DUSP1: variants seen among roughly 807,000 people sequenced by gnomAD.
DUSP1 encodes dual specificity protein phosphatase 1.
A neutral mutation model predicts 27.4 loss-of-function variants in DUSP1; 10 were observed. That is an observed-to-expected ratio of 0.37 (90% CI 0.23 to 0.62). The LOEUF is 0.62. Ranked by LOEUF, DUSP1 falls within the 20% of genes least tolerant of loss-of-function variation. The probability of loss-of-function intolerance (pLI) is 0.68; values close to 1 mark genes in which losing one functional copy is unlikely to be tolerated. For synonymous variants in DUSP1, 262 were observed against 223.6 expected (o/e 1.17, Z -1.53); for missense variants, 425 against 508.1 (o/e 0.84, Z 1.57).
In DUSP1 at chr5:172,770,650, G is replaced by A. The variant is rs781488618; in HGVS notation, c.303C>T (p.Thr101=). 23 of 1,306,712 alleles carry A rather than the reference G, an allele frequency of 1.8e-5. No homozygotes were observed. Among genetic ancestry groups the A allele is most frequent in the Non-Finnish European group, 1.5e-5 (16 of 1,033,664 alleles). The allele number at this position is 1,306,712 out of a possible 1,614,324, so 80.9% of individuals were successfully genotyped here. ...AGAGCGCGCCGGCCGCCAGGGCCAG[G>A]GTGCCGTCGCGCTTGGCGCCGTCCA... The part of the protein sequence containing the change: ...AALDGAKRDG[T]LALAAGALCR... Residue 101 remains threonine (T), a synonymous_variant, in exon 1 of 4, where the codon ACC becomes ACT. Transcript: ENST00000239223.
Position 172,770,156 on chromosome 5 carries a change from C to A in DUSP1, c.513+5G>T. The A allele has an allele frequency of 6.4e-6, 10 of 1,573,174 alleles. No individual in the cohort carries two copies. The highest frequency in any genetic ancestry group is 7.7e-6 in the Non-Finnish European group (9 of 1,164,206). ...TTCTTCCCTGTGGCAGGGACACCTA[C>A]TAACCTGATCGTAGAGTGGGGTACT... On this transcript the variant is annotated splice_donor_5th_base_variant and intron_variant, in intron 2 of 3. Transcript: ENST00000239223.
Position 172,768,574 on chromosome 5 carries a change from G to C in DUSP1, c.*188C>G, listed in dbSNP as rs1759826998. On this transcript the variant is annotated 3_prime_UTR_variant, in exon 4 of 4. Transcript: ENST00000239223. Reference sequence around the variant, plus strand: ...TACCCACTATATATTGGTCCCGAATGTGCTGAGTTCAGCAAATGTCTTGAC... The same window carrying C: ...TACCCACTATATATTGGTCCCGAATCTGCTGAGTTCAGCAAATGTCTTGAC... 1.4e-6 allele frequency: 1 copy of C among 695,190 alleles called. No individual in the cohort carries two copies. The highest frequency in any genetic ancestry group is 2.1e-6 in the Non-Finnish European group (1 of 482,818). 43.1% of individuals were successfully genotyped at this position (695,190 alleles called of 1,614,324 possible). A position where few individuals can be genotyped will look rare whatever the true frequency, so the allele number is the denominator to read the frequency against.
Position 172,768,967 on chromosome 5 carries a change from C to G in DUSP1, c.899G>C (p.Ser300Thr). Residue 300 changes from serine (S) to threonine (T), a missense_variant, in exon 4 of 4, where the codon AGC (serine) becomes ACC (threonine). Transcript: ENST00000239223. ...QRRSIISPNF[S>T]FMGQLLQFES... Reference sequence around the variant, plus strand: ...AAACTGCAGCAGCTGGCCCATGAAGCTGAAGTTGGGAGAGATGATGCTTCG... The same window carrying G: ...AAACTGCAGCAGCTGGCCCATGAAGGTGAAGTTGGGAGAGATGATGCTTCG... The G allele has an allele frequency of 1.2e-6, 2 of 1,614,248 alleles. No homozygotes were observed. Among genetic ancestry groups the G allele is most frequent in the Non-Finnish European group, 1.7e-6 (2 of 1,180,044 alleles).
chr5:172,768,861 G>A lies in DUSP1; in HGVS notation c.1005C>T (p.Thr335=). 1.2e-6 allele frequency: 2 copies of A among 1,608,076 alleles called. No individual in the cohort carries two copies. Among genetic ancestry groups the A allele is most frequent in the Non-Finnish European group, 1.7e-6 (2 of 1,176,380 alleles). The change falls in exon 4 of 4, where the codon ACC becomes ACT. Residue 335 remains threonine (T), a synonymous_variant. Transcript: ENST00000239223. ...AMAVLDRGTS[T]TTVFNFPVSI... is the part of the protein sequence containing the mutation. The stretch of plus-strand genomic sequence containing the variant: ...AGACGGGGAAGTTGAACACGGTGGT[G>A]GTGGAGGTGCCTCGGTCGAGCACAG...
Position 172,768,916 on chromosome 5 carries a change from C to T in DUSP1, c.950G>A (p.Cys317Tyr). Residue 317 changes from cysteine to tyrosine, a missense_variant, in exon 4 of 4, where the codon TGT becomes TAT. This residue lies in a region of DUSP1 where 84 missense variants were observed against 80.5 expected (regional missense o/e 1.04). Transcript: ENST00000239223. Reference protein sequence around the residue: ...QFESQVLAPHCSAEAGSPAMA... With the variant: ...QFESQVLAPHYSAEAGSPAMA... The stretch of plus-strand genomic sequence containing the variant: ...GGCGGGGCTCCCAGCCTCTGCCGAA[C>T]AGTGCGGAGCCAGCACCTGGGACTC... 6.2e-7 allele frequency: 1 copy of T among 1,613,804 alleles called. No homozygotes were observed. The highest frequency in any genetic ancestry group is 8.5e-7 in the Non-Finnish European group (1 of 1,179,754).
At position 172,768,934 on chromosome 5, in the gene DUSP1, T is replaced by C. The variant is rs1759835946; in HGVS notation, c.932A>G (p.Gln311Arg). 6.2e-7 allele frequency: 1 copy of C among 1,614,172 alleles called. No homozygotes were observed. Among genetic ancestry groups the C allele is most frequent in the Non-Finnish European group, 8.5e-7 (1 of 1,180,022 alleles). The change falls in exon 4 of 4, where the codon CAG becomes CGG. Residue 311 changes from glutamine to arginine, a missense_variant. By Grantham distance (43) the Gln-to-Arg change is conservative. Around this residue, in one of 3 missense-constraint regions of DUSP1, gnomAD observed 84 missense variants for 80.5 expected, o/e 1.04. Coordinates refer to ENST00000239223, the MANE Select transcript of DUSP1 (RefSeq NM_004417.4). ...FMGQLLQFES[Q>R]VLAPHCSAEA... ...TGCCGAACAGTGCGGAGCCAGCACC[T>C]GGGACTCAAACTGCAGCAGCTGGCC...
intron 3 of DUSP1, 131 bp downstream of exon 3, chr5:172,769,444 C>T (rs904124892): frequency 4.9e-6 from 5 of 1,019,534 alleles, no homozygotes; most frequent in Non-Finnish European, 4.3e-6. Context: ...AGGAATGTTG[C>T]CCACACCAGA....
At chr5:172,770,453 C>G (rs1270737857) in intron 1 of DUSP1, 133 bp downstream of exon 1, 1 of 1,530,390 alleles carries the variant, frequency 6.5e-7, no homozygotes, top group Non-Finnish European at 8.7e-7. Context: ...AAGCCAATGA[C>G]AAGTTCCAGA....
chr5:172,768,600 G>C lies in DUSP1; in HGVS notation c.*162C>G, dbSNP rs879616995. On this transcript the variant is annotated 3_prime_UTR_variant, in exon 4 of 4. Coordinates refer to ENST00000239223, the MANE Select transcript of DUSP1 (RefSeq NM_004417.4). ...TGCTGAGTTCAGCAAATGTCTTGAC[G>C]CTAAGTCATCACCATAACTGCTTAG... 4.1e-6 allele frequency: 4 copies of C among 980,432 alleles called. No homozygotes were observed. The highest frequency in any genetic ancestry group is 1.7e-5 in the African/African-American group (1 of 59,510). 60.7% of individuals were successfully genotyped at this position (980,432 alleles called of 1,614,324 possible).
chr5:172,768,937 G>T lies in DUSP1; in HGVS notation c.929C>A (p.Ser310Tyr). 13 of 1,614,190 alleles carry T rather than the reference G, an allele frequency of 8.1e-6. No homozygotes were observed. Among genetic ancestry groups the T allele is most frequent in the Non-Finnish European group, 1.1e-5 (13 of 1,180,034 alleles). ...CGAACAGTGCGGAGCCAGCACCTGG[G>T]ACTCAAACTGCAGCAGCTGGCCCAT... is the stretch of plus-strand genomic sequence containing the variant. Reference protein sequence around the residue: ...SFMGQLLQFESQVLAPHCSAE... With the variant: ...SFMGQLLQFEYQVLAPHCSAE... Residue 310 changes from serine (S) to tyrosine (Y), a missense_variant, in exon 4 of 4, where the codon TCC (serine) becomes TAC (tyrosine). Ser to Tyr is a moderately radical substitution (Grantham distance 144). Coordinates refer to ENST00000239223, the MANE Select transcript of DUSP1 (RefSeq NM_004417.4).
chr5:172,770,009 C>T (rs1270062284), intron 2 of DUSP1, 152 bp downstream of exon 2: 22 of 1,313,590 alleles, frequency 1.7e-5, no homozygotes, highest in Non-Finnish European at 2.0e-6. Context: ...GACTCGGCTC[C>T]GTCAGACCAC....
rs77348539 is a variant in DUSP1, at chr5:172,768,236, A to C, written c.*526T>G. The C allele has an allele frequency of 3.9e-5, 6 of 152,280 alleles. No individual in the cohort carries two copies. Among genetic ancestry groups the C allele is most frequent in the East Asian group, 3.8e-4 (2 of 5,208 alleles). The allele number at this position is 152,280 out of a possible 1,614,324, so 9.4% of individuals were successfully genotyped here. Reference sequence around the variant, plus strand: ...TACAACTGTTGGCAACTAAAAAAAAACCCAACACTGGTATTTTCCATCAGT... The same window carrying C: ...TACAACTGTTGGCAACTAAAAAAAACCCCAACACTGGTATTTTCCATCAGT... On this transcript the variant is annotated 3_prime_UTR_variant, in exon 4 of 4. Coordinates refer to ENST00000239223, the MANE Select transcript of DUSP1 (RefSeq NM_004417.4).
chr5:172,771,056 G>A lies in DUSP1; in HGVS notation c.-104C>T. On this transcript the variant is annotated 5_prime_UTR_variant, in exon 1 of 4. Coordinates refer to ENST00000239223, the MANE Select transcript of DUSP1 (RefSeq NM_004417.4). ...TTTTCGAGGAAAAGCTAGACCCCCG[G>A]GTCTCTCTGCGCCGAACCAAAAGCC... 11 of 1,310,898 alleles carry A rather than the reference G, an allele frequency of 8.4e-6. No homozygotes were observed. The highest frequency in any genetic ancestry group is 1.1e-5 in the Non-Finnish European group (11 of 1,026,376). 81.2% of individuals were successfully genotyped at this position (1,310,898 alleles called of 1,614,324 possible).
chr5:172,770,573 C>A lies in DUSP1; in HGVS notation c.367+13G>T. 1 of 1,404,940 alleles carries A rather than the reference C, an allele frequency of 7.1e-7. No individual in the cohort carries two copies. The highest frequency in any genetic ancestry group is 9.2e-7 in the Non-Finnish European group (1 of 1,089,314). The allele number at this position is 1,404,940 out of a possible 1,614,324, so 87.0% of individuals were successfully genotyped here. Reference sequence around the variant, plus strand: ...GGGTGTGCGGCCCGCCCCGAGCTTCCCCGAGGGCGTACCTTTGAGGAAGAA... The same window carrying A: ...GGGTGTGCGGCCCGCCCCGAGCTTCACCGAGGGCGTACCTTTGAGGAAGAA... On this transcript the variant is annotated intron_variant, in intron 1 of 3. Coordinates refer to ENST00000239223, the MANE Select transcript of DUSP1 (RefSeq NM_004417.4).
chr5:172,770,618 T>A lies in DUSP1; in HGVS notation c.335A>T (p.Glu112Val), dbSNP rs1158202574. Residue 112 changes from glutamate (E) to valine (V), a missense_variant, in exon 1 of 4, where the codon GAG becomes GTG. Glu to Val is a moderately radical substitution (Grantham distance 121). Transcript: ENST00000239223. ...LALAAGALCR[E>V]ARAAQVFFLK... ...GAAGAAGACTTGCGCGGCGCGCGCCTCGCGGCAGAGCGCGCCGGCCGCCAG... is the reference window on the plus strand; with the variant it reads ...GAAGAAGACTTGCGCGGCGCGCGCCACGCGGCAGAGCGCGCCGGCCGCCAG... The A allele has an allele frequency of 7.5e-7, 1 of 1,335,662 alleles. No homozygotes were observed. Among genetic ancestry groups the A allele is most frequent in the Non-Finnish European group, 9.5e-7 (1 of 1,050,288 alleles). The allele number at this position is 1,335,662 out of a possible 1,614,324, so 82.7% of individuals were successfully genotyped here. A position where few individuals can be genotyped will look rare whatever the true frequency, so the allele number is the denominator to read the frequency against.
rs768678783 is a variant in DUSP1 at position 172,768,828 on chromosome 5, A to G, written c.1038T>C (p.Pro346=). 3.0e-5 allele frequency: 48 copies of G among 1,587,512 alleles called. No homozygotes were observed. Among genetic ancestry groups the G allele is most frequent in the South Asian group, 1.7e-4 (15 of 85,998 alleles). The part of the protein sequence containing the change: ...TTVFNFPVSI[P]VHSTNSALSY... ...TCAGCGCACTGTTCGTGGAGTGGAC[A>G]GGGATGGAGACGGGGAAGTTGAACA... is the stretch of plus-strand genomic sequence containing the variant. Residue 346 remains proline, a synonymous_variant, in exon 4 of 4, where the codon CCT becomes CCC. Transcript: ENST00000239223.
Position 172,769,691 on chromosome 5 carries a change from A to T in DUSP1, c.617T>A (p.Val206Asp), listed in dbSNP as rs1561676749. 2 of 1,614,250 alleles carry T rather than the reference A, an allele frequency of 1.2e-6. No individual in the cohort carries two copies. Among genetic ancestry groups the T allele is most frequent in the Non-Finnish European group, 1.7e-6 (2 of 1,180,050 alleles). ...AAAATGGTTGGGACAATTGGCTGAG[A>T]CGTTGATCAAGGCAGTGATGCCCAA... The part of the protein sequence containing the change: ...DALGITALIN[V>D]SANCPNHFEG... The change falls in exon 3 of 4, where the codon GTC (valine) becomes GAC (aspartate). Residue 206 changes from valine to aspartate, a missense_variant. Around this residue, in one of 3 missense-constraint regions of DUSP1, gnomAD observed 282 missense variants for 319.3 expected, o/e 0.88. Coordinates refer to ENST00000239223, the MANE Select transcript of DUSP1 (RefSeq NM_004417.4).
At position 172,768,675 on chromosome 5, in the gene DUSP1, C is replaced by G; in HGVS notation, c.*87G>C. ...TTAAATAAATAAGGACCAGCCCTCT[C>G]GAGCCCCTCCCAGAGTTATTGCATT... On this transcript the variant is annotated 3_prime_UTR_variant, in exon 4 of 4. Transcript: ENST00000239223. 9 of 1,438,192 alleles carry G rather than the reference C, an allele frequency of 6.3e-6. No individual in the cohort carries two copies. Among genetic ancestry groups the G allele is most frequent in the Non-Finnish European group, 8.2e-6 (9 of 1,091,504 alleles). The allele number at this position is 1,438,192 out of a possible 1,614,324, so 89.1% of individuals were successfully genotyped here.
chr5:172,768,448 A>G lies in DUSP1; in HGVS notation c.*314T>C, dbSNP rs1759825048. 3.9e-6 allele frequency: 1 copy of G among 254,740 alleles called. No homozygotes were observed. Among genetic ancestry groups the G allele is most frequent in the East Asian group, 7.3e-5 (1 of 13,684 alleles). 15.8% of individuals were successfully genotyped at this position (254,740 alleles called of 1,614,324 possible). ...GGGAATAATACTGGTAGGTATGTCA[A>G]GCATGAAGAGATTCTACAAAAAACA... On this transcript the variant is annotated 3_prime_UTR_variant, in exon 4 of 4. Transcript: ENST00000239223.
Sources: gnomAD v4.1 joint callset for allele counts on GRCh38, gnomAD v4.1.1 for gene constraint, gnomAD v4.1.1 regional missense constraint, MANE v1.5 for transcripts, NCBI Gene and HGNC (gene_info 2026-07-23, HGNC 2026-07-21) for gene names.